Variants in LRRC69 observed in about 807,000 individuals in gnomAD.
LRRC69 encodes the protein leucine rich repeat containing 69.
Under a neutral mutation model 37.8 loss-of-function variants are expected in LRRC69, and 42 were observed. The ratio of observed to expected loss-of-function variants is 1.11; its 90% CI spans 0.87 to 1.44. The LOEUF is 1.44. Among genes scored for constraint, LRRC69 ranks in the 40% most tolerant of loss-of-function variants. The pLI, the probability that LRRC69 is intolerant of heterozygous loss-of-function variation, is 0.00. For synonymous variants in LRRC69, 141 were observed against 143.1 expected, an observed-to-expected ratio of 0.99 and a Z score of 0.11; for missense variants, 357 against 401.9, an observed-to-expected ratio of 0.89 and a Z score of 0.96.
chr8:91,131,227 T>C (rs1366068280), intron 3 of LRRC69, among the ~76,000 whole-genome samples: 1 of 143,790 alleles, frequency 7.0e-6, no homozygotes, highest in Admixed American at 7.0e-5. Flanking sequence ...ATTTTAAAAT[T>C]GATTTGTCTT....
At chr8:91,206,827 C>T (rs1340872272) in intron 7 of LRRC69, 1 of 1,288,682 alleles carries the variant, frequency 7.8e-7, no homozygotes, top group Non-Finnish European at 1.0e-6. Flanking sequence ...AGTAAGAAAT[C>T]CAAGGCAAGG....
intron 1 of LRRC69, chr8:91,118,391 A>G (rs1813555712): frequency 3.4e-6 from 1 of 292,674 alleles, no homozygotes; most frequent in Non-Finnish European, 6.3e-6. Flanking sequence ...AAAAAAAAAA[A>G]AAAGCCAGGC....
At chr8:91,205,076 A>G (rs947023999) in intron 7 of LRRC69, among the ~76,000 whole-genome samples, 5 of 152,210 alleles carry the variant, frequency 3.3e-5, no homozygotes, top group African/African-American at 1.2e-4. Context: ...CAAGCCAAGA[A>G]TGTAGCCTAC....
At chr8:91,178,495 A>G (rs1467136354) in intron 5 of LRRC69, among the ~76,000 whole-genome samples, 1 of 152,080 alleles carries the variant, frequency 6.6e-6, no homozygotes, top group African/African-American at 2.4e-5. Context: ...TACAATTACT[A>G]TGTAAAATTG....
chr8:91,153,416 C>T (rs1164887429), intron 5 of LRRC69, among the ~76,000 whole-genome samples: 2 of 150,592 alleles, frequency 1.3e-5, no homozygotes, highest in African/African-American at 4.8e-5. Flanking sequence ...ATACAGTCTT[C>T]TCAGTGCCAC....
intron 1 of LRRC69, among the ~76,000 whole-genome samples, chr8:91,111,337 AGCCTG>A: frequency 6.6e-6 from 1 of 152,108 alleles, no homozygotes; most frequent in East Asian, 1.9e-4. Flanking sequence ...GTTCAAGACC[AGCCTG>A]GCCAAGATGG....
intron 1 of LRRC69, among the ~76,000 whole-genome samples, chr8:91,119,190 G>C (rs1328928544): frequency 6.6e-6 from 1 of 151,932 alleles, no homozygotes; most frequent in Admixed American, 6.6e-5. Context: ...TCTAGGTTGG[G>C]GCTTGAGGTA....
intron 5 of LRRC69, among the ~76,000 whole-genome samples, chr8:91,182,374 G>A (rs1375944636): frequency 9.9e-5 from 15 of 151,998 alleles, no homozygotes; most frequent in African/African-American, 3.4e-4. Context: ...ATTTTAAGGG[G>A]CATAAGATAG....
chr8:91,128,095 C>T (rs1813751008), intron 3 of LRRC69, among the ~76,000 whole-genome samples: 1 of 151,870 alleles, frequency 6.6e-6, no homozygotes, highest in Non-Finnish European at 1.5e-5. Flanking sequence ...TTTACAAATT[C>T]AGCTTATCAA....
chr8:91,135,862 C>T, intron 5 of LRRC69, 123 bp downstream of exon 5: 3 of 482,680 alleles, frequency 6.2e-6, no homozygotes, highest in Non-Finnish European at 1.1e-5. Context: ...ACAAATGACT[C>T]AAAGATTTGC....
intron 3 of LRRC69, among the ~76,000 whole-genome samples, chr8:91,127,601 C>CAAA (rs554876868): frequency 9.0e-5 from 6 of 66,570 alleles, no homozygotes; most frequent in Admixed American, 2.3e-4. Flanking sequence ...TGTCATTAAC[C>CAAA]AAAAAAAAAA....
At chr8:91,171,297 T>TAC (rs1809126048) in intron 5 of LRRC69, among the ~76,000 whole-genome samples, 1 of 151,050 alleles carries the variant, frequency 6.6e-6, no homozygotes, top group African/African-American at 2.4e-5. Flanking sequence ...ATTTTAGTAT[T>TAC]AGTTATTCCA....
At chr8:91,157,641 G>T in intron 5 of LRRC69, 1 of 1,575,886 alleles carries the variant, frequency 6.3e-7, no homozygotes, top group South Asian at 1.1e-5. Flanking sequence ...CTAATAAAAT[G>T]CACTGGACTT....
intron 1 of LRRC69, among the ~76,000 whole-genome samples, chr8:91,121,209 C>T (rs1045072170): frequency 6.6e-5 from 10 of 152,044 alleles, no homozygotes; most frequent in Non-Finnish European, 1.5e-4. Context: ...AGTATTGCCT[C>T]TGTGTTCTCT....
chr8:91,159,875 A>C (rs1419418184), intron 5 of LRRC69, among the ~76,000 whole-genome samples: 1 of 150,972 alleles, frequency 6.6e-6, no homozygotes, highest in Admixed American at 6.6e-5. Context: ...GTTTCCTTAG[A>C]GTGTTCTTGG....
chr8:91,111,060 A>G (rs1458166676), intron 1 of LRRC69, among the ~76,000 whole-genome samples: 4 of 152,106 alleles, frequency 2.6e-5, no homozygotes, highest in Admixed American at 6.6e-5. Flanking sequence ...TATATTCCAG[A>G]TATTGTTCTT....
chr8:91,150,689 A>G (rs1367676017), intron 5 of LRRC69, among the ~76,000 whole-genome samples: 3 of 151,846 alleles, frequency 2.0e-5, no homozygotes, highest in Non-Finnish European at 4.4e-5. Context: ...CCTCTGGTAG[A>G]ATTCGGCTGT....
intron 5 of LRRC69, among the ~76,000 whole-genome samples, chr8:91,162,529 T>C (rs1017652851): frequency 3.3e-5 from 5 of 151,394 alleles, no homozygotes; most frequent in African/African-American, 1.2e-4. Flanking sequence ...CTTTTTATAT[T>C]TTTTGACTTG....
At position 91,200,623 on chromosome 8, in the gene LRRC69, C is replaced by A; in HGVS notation, c.764C>A (p.Ser255Ter). 3 of 1,432,106 alleles carry A rather than the reference C, an allele frequency of 2.1e-6. No homozygotes were observed. The highest frequency in any genetic ancestry group is 1.5e-5 in the South Asian group (1 of 65,330). The allele number at this position is 1,432,106 out of a possible 1,614,324, so 88.7% of individuals were successfully genotyped here. Residue 255 changes from serine to a stop codon, truncating the protein, a stop_gained, in exon 7 of 8, where the codon TCA (serine) becomes TAA (stop). Coordinates refer to ENST00000448384, the Ensembl canonical transcript of LRRC69. LOFTEE classifies it high-confidence loss of function. ...TTTTTTTCAATTTAGGAAATAACAT[C>A]AAGATTTGTAATGAATCAGCTAGCA...
Sources: allele counts gnomAD v4.1 joint callset (sites outside exome capture counted in the v4.1 genomes callset), GRCh38; gene constraint gnomAD v4.1.1; transcripts MANE v1.5; gene names NCBI Gene and HGNC (gene_info 2026-07-23, HGNC 2026-07-21).